IL1RAPL2: variants seen among roughly 807,000 people sequenced by gnomAD.
The protein encoded by IL1RAPL2 is X-linked interleukin-1 receptor accessory protein-like 2.
A neutral mutation model predicts 44.1 loss-of-function variants in IL1RAPL2; 3 were observed. The observed-to-expected ratio is 0.07, with a 90% confidence interval of 0.03 to 0.18. The LOEUF is 0.18. Ranked by LOEUF, IL1RAPL2 falls within the 10% of genes least tolerant of loss-of-function variation. The pLI is 1.00. For missense variants in IL1RAPL2, 391 were observed against 496.4 expected, an observed-to-expected ratio of 0.79 and a Z score of 2.02; for synonymous variants, 181 against 178.8, an observed-to-expected ratio of 1.01 and a Z score of -0.10.
chrX:105,060,997 T>C (rs1240304558), intron 2 of IL1RAPL2, among the ~76,000 whole-genome samples: 1 of 111,403 alleles, frequency 9.0e-6, no homozygotes. Flanking sequence ...AAGCCAGCTT[T>C]TCATTTCATT....
intron 7 of IL1RAPL2, among the ~76,000 whole-genome samples, chrX:105,726,995 G>C (rs1281223905): frequency 9.1e-6 from 1 of 110,195 alleles, no homozygotes; most frequent in Non-Finnish European, 1.9e-5. Context: ...GGAGGGGGGA[G>C]CAAATAACAC....
At chrX:105,191,243 T>TGG (rs1556136942) in intron 2 of IL1RAPL2, among the ~76,000 whole-genome samples, 2 of 112,555 alleles carry the variant, frequency 1.8e-5, no homozygotes, top group East Asian at 5.6e-4. Flanking sequence ...TGAGACGGAG[T>TGG]CTCACTGTGA....
intron 5 of IL1RAPL2, among the ~76,000 whole-genome samples, chrX:105,364,777 T>G (rs1173263465): frequency 8.9e-6 from 1 of 112,015 alleles, no homozygotes; most frequent in Non-Finnish European, 1.9e-5. Flanking sequence ...CTGAATTTCT[T>G]TATTGATTCT....
intron 2 of IL1RAPL2, among the ~76,000 whole-genome samples, chrX:104,777,401 A>G (rs777950157): frequency 9.1e-6 from 1 of 110,081 alleles, no homozygotes; most frequent in Non-Finnish European, 1.9e-5. Context: ...GCTAAGTAAT[A>G]TTTCGTTGCA....
intron 5 of IL1RAPL2, among the ~76,000 whole-genome samples, chrX:105,365,390 A>G (rs1387117711): frequency 9.0e-6 from 1 of 111,328 alleles, no homozygotes; most frequent in Non-Finnish European, 1.9e-5. Flanking sequence ...TGGCTTTGAA[A>G]TCAGGGTGAT....
chrX:104,907,161 T>A (rs1403954791), intron 2 of IL1RAPL2, among the ~76,000 whole-genome samples: 2 of 111,707 alleles, frequency 1.8e-5, no homozygotes, highest in Non-Finnish European at 3.8e-5. Context: ...CCCTTTATCA[T>A]TTTTTATTGC....
At chrX:104,627,493 T>TA (rs10694956) in intron 1 of IL1RAPL2, among the ~76,000 whole-genome samples, 1 of 108,964 alleles carries the variant, frequency 9.2e-6, no homozygotes, top group Non-Finnish European at 1.9e-5. Context: ...AATAATAAAA[T>TA]AAATCAATCT....
chrX:104,873,201 G>T (rs1922810164), intron 2 of IL1RAPL2, among the ~76,000 whole-genome samples: 1 of 111,100 alleles, frequency 9.0e-6, no homozygotes, highest in Non-Finnish European at 1.9e-5. Flanking sequence ...CTGGGTTGCA[G>T]AAAAGTGCAA....
At position 104,675,722 on chromosome X, in the gene IL1RAPL2, G is replaced by T. The variant is rs978066053; in HGVS notation, c.82+16727G>T. ...GGTGTTAAAGTCTCCCATTATTATT[G>T]TGTGGGAGTCTAAGTCTCTTTGTAG... On this transcript the variant is annotated intron_variant, in intron 2 of 10. Transcript: ENST00000372582. Among the ~76,000 whole-genome samples the T allele has an allele frequency of 1.4e-4, 15 of 110,519 alleles. No homozygotes were observed. The East Asian group carries it at 2.3e-3, about 17-fold the overall frequency.
chrX:105,306,178 T>G (rs777210655), intron 5 of IL1RAPL2, among the ~76,000 whole-genome samples: 46 of 111,749 alleles, frequency 4.1e-4, no homozygotes, highest in Non-Finnish European at 6.8e-4. Context: ...TAGATAGGTA[T>G]AGATAGACAT....
rs922841884 is a variant in IL1RAPL2, at chrX:104,964,032, A to T, written c.83-231443A>T. Among the ~76,000 whole-genome samples, 99 of 110,022 alleles carry T rather than the reference A, an allele frequency of 9.0e-4. 1 individual carries two copies. Among genetic ancestry groups the T allele is most frequent in the African/African-American group, 3.0e-3 (91 of 30,238 alleles). On this transcript the variant is annotated intron_variant, in intron 2 of 10. Coordinates refer to ENST00000372582, the MANE Select transcript of IL1RAPL2 (RefSeq NM_017416.2). Reference sequence around the variant, plus strand: ...GGTTTACAGGTACTTTTCATGACCTATGAGATCTGATGGTGAGCACATGTT... The same window carrying T: ...GGTTTACAGGTACTTTTCATGACCTTTGAGATCTGATGGTGAGCACATGTT...
chrX:104,632,240 C>T (rs1197935697), intron 1 of IL1RAPL2, among the ~76,000 whole-genome samples: 1 of 111,485 alleles, frequency 9.0e-6, no homozygotes, highest in Non-Finnish European at 1.9e-5. Flanking sequence ...TTTTGCTTAC[C>T]ATAGCCTTGT....
At chrX:105,431,122 A>T (rs1030445677) in intron 5 of IL1RAPL2, among the ~76,000 whole-genome samples, 1 of 112,419 alleles carries the variant, frequency 8.9e-6, no homozygotes, top group African/African-American at 3.2e-5. Flanking sequence ...CCTGGCACAT[A>T]AAGTTCATGT....
At chrX:104,730,306 C>T (rs897552201) in intron 2 of IL1RAPL2, among the ~76,000 whole-genome samples, 3 of 103,249 alleles carry the variant, frequency 2.9e-5, no homozygotes, top group Non-Finnish European at 4.0e-5. Context: ...ATGTGCCATG[C>T]TGGTGTGCTG....
chrX:104,833,709 G>A (rs2147630582), intron 2 of IL1RAPL2, among the ~76,000 whole-genome samples: 1 of 111,568 alleles, frequency 9.0e-6, no homozygotes, highest in South Asian at 3.8e-4. Flanking sequence ...AATAGTTGGA[G>A]CATAAAGACT....
chrX:105,214,677 T>C (rs782641419), intron 3 of IL1RAPL2, among the ~76,000 whole-genome samples: 8 of 111,923 alleles, frequency 7.1e-5, no homozygotes, highest in African/African-American at 1.9e-4. Flanking sequence ...ATATACATTC[T>C]TCTCAGTGCC....
rs567863471 is a variant in IL1RAPL2 at position 105,629,049 on chromosome X, T to C, written c.773-88318T>C. ...TCTCAGTTTTCCACAGTTTAGAGAG[T>C]TGTAAAATTGCTCAAACACAGTGAA... On this transcript the variant is annotated intron_variant, in intron 6 of 10. Coordinates refer to ENST00000372582, the MANE Select transcript of IL1RAPL2 (RefSeq NM_017416.2). Among the ~76,000 whole-genome samples, 9 of 111,766 alleles carry C rather than the reference T, an allele frequency of 8.1e-5. No homozygotes were observed. The South Asian group carries it at 3.4e-3, about 42-fold the overall frequency.
chrX:104,898,363 T>C lies in IL1RAPL2; in HGVS notation c.82+239368T>C, dbSNP rs377084072. On this transcript the variant is annotated intron_variant, in intron 2 of 10. Transcript: ENST00000372582. The stretch of plus-strand genomic sequence containing the variant: ...TACTTTGAGCTGCATACAACTCATG[T>C]AGCATGCTCAATGAGAGACAACTAA... Among the ~76,000 whole-genome samples, 161 of 112,616 alleles carry C rather than the reference T, an allele frequency of 1.4e-3. 1 individual carries two copies. The highest frequency in any genetic ancestry group is 4.8e-3 in the African/African-American group (149 of 31,082).
chrX:104,956,461 A>AGTGTGT lies in IL1RAPL2; in HGVS notation c.83-238985_83-238980dup, dbSNP rs59541869. Among the ~76,000 whole-genome samples the AGTGTGT allele has an allele frequency of 7.4e-3, 626 of 84,054 alleles. 11 individuals carry two copies. Among genetic ancestry groups the AGTGTGT allele is most frequent in the African/African-American group, 0.019 (401 of 21,089 alleles). 73.0% of individuals were successfully genotyped at this position (84,054 alleles called of 115,157 possible). A position where few individuals can be genotyped will look rare whatever the true frequency, so the allele number is the denominator to read the frequency against. ...ACATGGCAAAACCCTGTCTCTACTA[A>AGTGTGT]GTGTGTGTGTGTGTGTGTGTGTGTG... On this transcript the variant is annotated intron_variant, in intron 2 of 10. Transcript: ENST00000372582.
Sources: allele counts gnomAD v4.1 joint callset (sites outside exome capture counted in the v4.1 genomes callset), GRCh38; gene constraint gnomAD v4.1.1; transcripts MANE v1.5; gene names NCBI Gene and HGNC (gene_info 2026-07-23, HGNC 2026-07-21).